The following PSD3 variants were observed in gnomAD, a reference collection of about 807,000 sequenced individuals.
The protein encoded by PSD3 is PH and SEC7 domain-containing protein 3.
In PSD3, 49 loss-of-function variants were observed where a neutral mutation model predicts 105.5. The ratio of observed to expected loss-of-function variants is 0.46; its 90% CI spans 0.37 to 0.59. The LOEUF (loss-of-function observed/expected upper bound fraction) is 0.59. Ranked by LOEUF, PSD3 falls within the 20% of genes least tolerant of loss-of-function variation. The pLI is 0.00. For synonymous variants in PSD3, 557 were observed against 457.8 expected, an observed-to-expected ratio of 1.22 and a Z score of -2.77; for missense variants, 1,561 against 1,263.8, an observed-to-expected ratio of 1.24 and a Z score of -3.57.
At position 18,759,637 on chromosome 8, in the gene PSD3, T is replaced by C. The variant is rs73666706; in HGVS notation, c.2172+5812A>G. Among the ~76,000 whole-genome samples the C allele has an allele frequency of 6.0e-3, 915 of 152,248 alleles. 8 individuals are homozygous for C. The highest frequency in any genetic ancestry group is 0.019 in the African/African-American group (807 of 41,560). On this transcript the variant is annotated intron_variant, in intron 9 of 15. Coordinates refer to ENST00000327040, the MANE Select transcript of PSD3 (RefSeq NM_015310.4). ...ACTAAGGAGAGCAGTATCAGAGTAT[T>C]AAATGGTAGATGGCAATGGGAAAGT...
At chr8:18,800,594 C>T (rs1390142342) in intron 7 of PSD3, among the ~76,000 whole-genome samples, 1 of 152,152 alleles carries the variant, frequency 6.6e-6, no homozygotes, top group African/African-American at 2.4e-5. Flanking sequence ...ATTGCAGGAA[C>T]TGAAATGGAG....
chr8:18,593,444 G>T (rs1261014407), intron 12 of PSD3, among the ~76,000 whole-genome samples: 1 of 152,166 alleles, frequency 6.6e-6, no homozygotes, highest in Non-Finnish European at 1.5e-5. Flanking sequence ...ACACCAGTTA[G>T]AACGGCGATC....
At chr8:18,804,495 A>G (rs771127605) in intron 6 of PSD3, 27 bp downstream of exon 6, 1 of 1,541,954 alleles carries the variant, frequency 6.5e-7, no homozygotes, top group Admixed American at 1.7e-5. Flanking sequence ...GAAAGCAATG[A>G]CGAGCAGCAA....
chr8:18,895,838 A>C (rs1819115255), intron 2 of PSD3, among the ~76,000 whole-genome samples: 1 of 152,240 alleles, frequency 6.6e-6, no homozygotes, highest in African/African-American at 2.4e-5. Flanking sequence ...CTATTTGAAA[A>C]TATACAATAA....
chr8:18,936,098 C>A lies in PSD3; in HGVS notation c.66G>T (p.Gln22His). ...ATTCATATTTGGCCTTGGCAACACT[C>A]TGGGAATGTGCAGATGCATTGTTCA... ...VWVNNASAHSQSVAKAKYEFL... is the reference protein window; with the variant it reads ...VWVNNASAHSHSVAKAKYEFL... The change falls in exon 2 of 16, where the codon CAG becomes CAT. Residue 22 changes from glutamine to histidine, a missense_variant. Coordinates refer to ENST00000327040, the MANE Select transcript of PSD3 (RefSeq NM_015310.4). The A allele has an allele frequency of 6.2e-7, 1 of 1,613,404 alleles. No homozygotes were observed. Among genetic ancestry groups the A allele is most frequent in the Non-Finnish European group, 8.5e-7 (1 of 1,179,862 alleles).
chr8:18,926,757 G>A (rs1342938874), intron 2 of PSD3, among the ~76,000 whole-genome samples: 2 of 152,100 alleles, frequency 1.3e-5, no homozygotes, highest in Non-Finnish European at 2.9e-5. Context: ...CAAGCAATCA[G>A]TCCTACAGAG....
At chr8:18,944,670 G>A (rs1822752490) in intron 1 of PSD3, among the ~76,000 whole-genome samples, 1 of 152,120 alleles carries the variant, frequency 6.6e-6, no homozygotes, top group Admixed American at 6.5e-5. Flanking sequence ...TTATTACGCT[G>A]TGGAAAGGCA....
chr8:18,957,100 G>A (rs891731150), intron 1 of PSD3, among the ~76,000 whole-genome samples: 9 of 152,148 alleles, frequency 5.9e-5, no homozygotes, highest in South Asian at 2.1e-4. Context: ...GGCTGGGCAT[G>A]GTGGCTTTCA....
chr8:18,715,146 G>T (rs1345726243), intron 9 of PSD3, among the ~76,000 whole-genome samples: 1 of 152,150 alleles, frequency 6.6e-6, no homozygotes, highest in Non-Finnish European at 1.5e-5. Context: ...GGAAGACGGA[G>T]AACATCAGGA....
At chr8:18,958,938 T>G in intron 1 of PSD3, among the ~76,000 whole-genome samples, 1 of 151,870 alleles carries the variant, frequency 6.6e-6, no homozygotes, top group East Asian at 1.9e-4. Context: ...TTTTTTCTTT[T>G]GAGACGGAGT....
At chr8:19,040,646 C>A (rs1294111222) in intron 1 of PSD3, among the ~76,000 whole-genome samples, 1 of 152,178 alleles carries the variant, frequency 6.6e-6, no homozygotes, top group African/African-American at 2.4e-5. Flanking sequence ...ACAGTGACAG[C>A]AGGAAGACTG....
At chr8:18,895,231 T>A (rs775574519) in intron 2 of PSD3, among the ~76,000 whole-genome samples, 10 of 152,204 alleles carry the variant, frequency 6.6e-5, no homozygotes, top group Non-Finnish European at 1.3e-4. Flanking sequence ...GAGTCAACAA[T>A]TCCCAACTGT....
In PSD3 at chr8:18,698,848, T is replaced by G. The variant is rs1325633139; in HGVS notation, c.2173-43163A>C. On this transcript the variant is annotated intron_variant, in intron 9 of 15. Coordinates refer to ENST00000327040, the MANE Select transcript of PSD3 (RefSeq NM_015310.4). ...TGTTAGCTTTTATATGCAGGAACAA[T>G]AATATGTGAGATAAGTTTCAATAAA... is the stretch of plus-strand genomic sequence containing the variant. Among the ~76,000 whole-genome samples, 3 of 152,180 alleles carry G rather than the reference T, an allele frequency of 2.0e-5. No individual in the cohort carries two copies. In the East Asian group the frequency reaches 5.8e-4, roughly 29 times the overall value.
intron 4 of PSD3, among the ~76,000 whole-genome samples, chr8:18,849,028 A>T (rs1458596320): frequency 6.6e-6 from 1 of 152,248 alleles, no homozygotes; most frequent in African/African-American, 2.4e-5. Flanking sequence ...CAAGGCCAAA[A>T]TCACCTTAGA....
intron 1 of PSD3, among the ~76,000 whole-genome samples, chr8:19,078,206 A>C (rs1460997956): frequency 6.6e-6 from 1 of 152,070 alleles, no homozygotes; most frequent in East Asian, 1.9e-4. Context: ...AGGAAAACAA[A>C]AGTCTTTCAA....
At chr8:18,847,541 C>G (rs1428557066) in intron 4 of PSD3, among the ~76,000 whole-genome samples, 1 of 152,130 alleles carries the variant, frequency 6.6e-6, no homozygotes, top group African/African-American at 2.4e-5. Flanking sequence ...AATAAACGAT[C>G]CTAACTGGTC....
At chr8:18,570,595 G>C (rs1286695385) in intron 14 of PSD3, among the ~76,000 whole-genome samples, 2 of 147,648 alleles carry the variant, frequency 1.4e-5, no homozygotes, top group Non-Finnish European at 3.0e-5. Context: ...CTAATATCCA[G>C]AATCTACAAT....
chr8:18,697,543 A>G (rs972431), intron 9 of PSD3, among the ~76,000 whole-genome samples: 145,320 of 152,156 alleles, frequency 0.96, 69,412 homozygotes, highest in Middle Eastern at 0.97. Context: ...ATCAGAAGTC[A>G]ACTTGGGAAC....
At chr8:18,577,344 G>A (rs1802522545) in intron 12 of PSD3, among the ~76,000 whole-genome samples, 2 of 152,050 alleles carry the variant, frequency 1.3e-5, no homozygotes, top group South Asian at 4.2e-4. Flanking sequence ...TTTCGTTAAT[G>A]TTCCATAAAC....
Sources: allele counts gnomAD v4.1 joint callset (sites outside exome capture counted in the v4.1 genomes callset), GRCh38; gene constraint gnomAD v4.1.1; transcripts MANE v1.5; gene names NCBI Gene and HGNC (gene_info 2026-07-23, HGNC 2026-07-21).